CAMK1D: variants seen among roughly 807,000 people sequenced by gnomAD.
The protein encoded by CAMK1D is calcium/calmodulin-dependent protein kinase type 1D.
Under a neutral mutation model 47.7 loss-of-function variants are expected in CAMK1D, and 9 were observed. That is an observed-to-expected ratio of 0.19 (90% confidence interval 0.11 to 0.33). The LOEUF (loss-of-function observed/expected upper bound fraction) is 0.33, where lower values mean the gene tolerates loss of function less well. Ranked by LOEUF, CAMK1D falls within the 10% of genes least tolerant of loss-of-function variation. CAMK1D has a pLI of 1.00. For missense variants in CAMK1D, 291 were observed against 488.7 expected (o/e 0.60, Z 3.81); for synonymous variants, 184 against 184.9 (o/e 0.99, Z 0.04).
Position 12,588,789 on chromosome 10 carries a change from T to TAC in CAMK1D, c.224+35453_224+35454dup, listed in dbSNP as rs566585314. On this transcript the variant is annotated intron_variant, in intron 2 of 10. Transcript: ENST00000619168. ...TTTAAAGTGCATATGTATATATATATACACACACACACACACACACATACA... is the reference window on the plus strand; with the variant it reads ...TTTAAAGTGCATATGTATATATATATACACACACACACACACACACACATACA... Among the ~76,000 whole-genome samples the TAC allele has an allele frequency of 8.1e-3, 1,183 of 145,518 alleles. 18 individuals carry two copies. Among genetic ancestry groups the TAC allele is most frequent in the African/African-American group, 0.027 (1,044 of 38,584 alleles).
intron 1 of CAMK1D, among the ~76,000 whole-genome samples, chr10:12,510,414 T>TAAA (rs10682784): frequency 0.39 from 59,074 of 150,854 alleles, 12,067 homozygotes; most frequent in South Asian, 0.47. Context: ...AGACTCCGTC[T>TAAA]AAAAAAAAAT....
At chr10:12,681,021 A>G (rs1291968029) in intron 3 of CAMK1D, among the ~76,000 whole-genome samples, 1 of 152,052 alleles carries the variant, frequency 6.6e-6, no homozygotes, top group Admixed American at 6.5e-5. Flanking sequence ...TGGTCGACTC[A>G]TAGATTTCAG....
intron 2 of CAMK1D, among the ~76,000 whole-genome samples, chr10:12,611,780 A>T (rs138705590): frequency 6.6e-6 from 1 of 151,232 alleles, no homozygotes; most frequent in African/African-American, 2.4e-5. Flanking sequence ...TTTAGTAGAG[A>T]TAGGGTTTCA....
chr10:12,582,539 C>T (rs138972255), intron 2 of CAMK1D, among the ~76,000 whole-genome samples: 53 of 152,230 alleles, frequency 3.5e-4, no homozygotes, highest in African/African-American at 1.2e-3. Context: ...GTGTCATCTA[C>T]GATTTCTTTT....
chr10:12,633,478 C>T (rs891377246), intron 2 of CAMK1D, among the ~76,000 whole-genome samples: 4 of 152,152 alleles, frequency 2.6e-5, no homozygotes, highest in Admixed American at 6.5e-5. Context: ...TTATTAACAG[C>T]GTCCTTATAT....
chr10:12,801,354 T>TATCTATCTATCTATCTATCTATC (rs57429397), intron 6 of CAMK1D, among the ~76,000 whole-genome samples: 4 of 66,562 alleles, frequency 6.0e-5, no homozygotes, highest in East Asian at 5.0e-4. Flanking sequence ...TCTATCTATC[T>TATCTATCTATCTATCTATCTATC]TATCTATCTA....
intron 2 of CAMK1D, among the ~76,000 whole-genome samples, chr10:12,559,473 C>T (rs116374367): frequency 6.9e-4 from 105 of 152,196 alleles, no homozygotes; most frequent in African/African-American, 2.3e-3. Context: ...AGCCCTTGTC[C>T]GCTGATTTCA....
At chr10:12,382,088 T>C (rs1838365039) in intron 1 of CAMK1D, among the ~76,000 whole-genome samples, 1 of 152,182 alleles carries the variant, frequency 6.6e-6, no homozygotes, top group Non-Finnish European at 1.5e-5. Context: ...TGAAATGATA[T>C]TGAACAAAAT....
At chr10:12,446,170 C>A (rs1196985052) in intron 1 of CAMK1D, among the ~76,000 whole-genome samples, 1 of 152,060 alleles carries the variant, frequency 6.6e-6, no homozygotes, top group African/African-American at 2.4e-5. Context: ...GAATTCAGGG[C>A]AAGTCCACAG....
intron 3 of CAMK1D, among the ~76,000 whole-genome samples, chr10:12,733,785 A>G (rs1835006526): frequency 6.6e-6 from 1 of 152,108 alleles, no homozygotes; most frequent in African/African-American, 2.4e-5. Context: ...CCTGAATTGA[A>G]TTTGCTTTTT....
At chr10:12,443,072 CAGCAGT>C (rs1832827993) in intron 1 of CAMK1D, among the ~76,000 whole-genome samples, 1 of 152,268 alleles carries the variant, frequency 6.6e-6, no homozygotes, top group East Asian at 1.9e-4. Flanking sequence ...TATGAACTCA[CAGCAGT>C]AGCAAAAATA....
chr10:12,615,445 C>T (rs552969554), intron 2 of CAMK1D, among the ~76,000 whole-genome samples: 12 of 151,440 alleles, frequency 7.9e-5, no homozygotes, highest in Admixed American at 5.9e-4. Flanking sequence ...TGAGTGTGTG[C>T]ATGTGTGTGT....
At chr10:12,677,453 A>G (rs75389273) in intron 3 of CAMK1D, among the ~76,000 whole-genome samples, 9,243 of 152,254 alleles carry the variant, frequency 0.061, 302 homozygotes, top group African/African-American at 0.08. Context: ...TGGGGGATAC[A>G]GACAAGACAC....
At chr10:12,698,673 A>ATTTTT (rs573723767) in intron 3 of CAMK1D, among the ~76,000 whole-genome samples, 2,536 of 103,828 alleles carry the variant, frequency 0.024, 220 homozygotes, top group African/African-American at 0.074. Context: ...CCTTTAAAGA[A>ATTTTT]TTTTTTTTTT....
At chr10:12,367,673 C>T (rs1212840683) in intron 1 of CAMK1D, among the ~76,000 whole-genome samples, 1 of 152,090 alleles carries the variant, frequency 6.6e-6, no homozygotes, top group Non-Finnish European at 1.5e-5. Flanking sequence ...CCCTGGTGCG[C>T]ACAGTTCACA....
chr10:12,826,069 G>C (rs549380013), intron 10 of CAMK1D: 1 of 212,060 alleles, frequency 4.7e-6, no homozygotes, highest in Admixed American at 5.3e-5. Flanking sequence ...CCCAGGAAGC[G>C]GAGGTTGCAA....
intron 1 of CAMK1D, among the ~76,000 whole-genome samples, chr10:12,532,759 C>T (rs1045516793): frequency 6.6e-6 from 1 of 152,014 alleles, no homozygotes; most frequent in East Asian, 1.9e-4. Flanking sequence ...TACTATTCAG[C>T]CATAAAAAGA....
chr10:12,614,844 C>T (rs1267350586), intron 2 of CAMK1D, among the ~76,000 whole-genome samples: 1 of 152,170 alleles, frequency 6.6e-6, no homozygotes, highest in African/African-American at 2.4e-5. Context: ...CTTTGAGTAC[C>T]AGCCATACCA....
At chr10:12,779,825 G>T (rs926421080) in intron 5 of CAMK1D, among the ~76,000 whole-genome samples, 3 of 152,124 alleles carry the variant, frequency 2.0e-5, no homozygotes, top group East Asian at 1.9e-4. Context: ...TTCCATTACG[G>T]ATGTCACTCA....
Sources: allele counts gnomAD v4.1 joint callset (sites outside exome capture counted in the v4.1 genomes callset), GRCh38; gene constraint gnomAD v4.1.1; transcripts MANE v1.5; gene names NCBI Gene and HGNC (gene_info 2026-07-23, HGNC 2026-07-21).